DHRSX: variants seen among roughly 807,000 people sequenced by gnomAD.
DHRSX encodes polyprenol dehydrogenase.
A neutral mutation model predicts 34.0 loss-of-function variants in DHRSX; 31 were observed. That is an observed-to-expected ratio of 0.91 (90% CI 0.69 to 1.23). The LOEUF (loss-of-function observed/expected upper bound fraction) is 1.23, where lower values mean the gene tolerates loss of function less well. Ranked by LOEUF, DHRSX falls within the 50% of genes most tolerant of loss-of-function variation. The probability of loss-of-function intolerance (pLI) is 0.00; values close to 1 mark genes in which losing one functional copy is unlikely to be tolerated. For synonymous variants in DHRSX, 201 were observed against 183.8 expected, an observed-to-expected ratio of 1.09 and a Z score of -0.76; for missense variants, 414 against 428.1, an observed-to-expected ratio of 0.97 and a Z score of 0.29.
At chrX:2,391,718 G>T (rs1216206451) in intron 3 of DHRSX, among the ~76,000 whole-genome samples, 2 of 152,166 alleles carry the variant, frequency 1.3e-5, no homozygotes, top group Non-Finnish European at 2.9e-5. Flanking sequence ...CTGAGGTCAG[G>T]AGTTCGAGAC....
At chrX:2,372,222 T>C (rs1419544746) in intron 3 of DHRSX, among the ~76,000 whole-genome samples, 2 of 152,070 alleles carry the variant, frequency 1.3e-5, no homozygotes, top group African/African-American at 4.8e-5. Context: ...CCAGAAAAAT[T>C]CACAATTTTA....
At chrX:2,255,639 G>A (rs1437560221) in intron 5 of DHRSX, among the ~76,000 whole-genome samples, 1 of 151,960 alleles carries the variant, frequency 6.6e-6, no homozygotes, top group Non-Finnish European at 1.5e-5. Flanking sequence ...GGCCAGGCAC[G>A]GTGGGTCACA....
intron 1 of DHRSX, among the ~76,000 whole-genome samples, chrX:2,470,093 C>T (rs1233274373): frequency 3.6e-5 from 5 of 139,462 alleles, no homozygotes; most frequent in South Asian, 2.4e-4. Context: ...CTGCCATTTG[C>T]GCAACATGGA....
intron 1 of DHRSX, among the ~76,000 whole-genome samples, chrX:2,478,836 G>A (rs191823690): frequency 1.9e-4 from 29 of 151,158 alleles, no homozygotes; most frequent in East Asian, 5.9e-4. Flanking sequence ...AAGTGAAGAC[G>A]CTCCCTAAGA....
chrX:2,452,428 A>C (rs962444391), intron 1 of DHRSX, among the ~76,000 whole-genome samples: 1 of 151,944 alleles, frequency 6.6e-6, no homozygotes, highest in Non-Finnish European at 1.5e-5. Context: ...TACACATTGA[A>C]GACATTCCCT....
At chrX:2,325,891 G>A (rs1280120662) in intron 3 of DHRSX, among the ~76,000 whole-genome samples, 2 of 151,892 alleles carry the variant, frequency 1.3e-5, no homozygotes, top group African/African-American at 2.4e-5. Context: ...TAAACTCCTC[G>A]TGTGTGTCTT....
At chrX:2,488,992 C>A in intron 1 of DHRSX, 1 of 1,606,438 alleles carries the variant, frequency 6.2e-7, no homozygotes, top group Admixed American at 1.7e-5. Flanking sequence ...CCTTCTGGGA[C>A]TTGAAGTTGC....
At chrX:2,332,289 G>A (rs2042489022) in intron 3 of DHRSX, among the ~76,000 whole-genome samples, 1 of 152,182 alleles carries the variant, frequency 6.6e-6, no homozygotes, top group Non-Finnish European at 1.5e-5. Flanking sequence ...AAGGGTGTGG[G>A]TAGCTCGTAA....
At chrX:2,468,397 T>C (rs1248041050) in intron 1 of DHRSX, among the ~76,000 whole-genome samples, 1 of 152,150 alleles carries the variant, frequency 6.6e-6, no homozygotes, top group East Asian at 1.9e-4. Flanking sequence ...GTGCCTGGGA[T>C]GGTCGCTGAC....
At chrX:2,362,461 C>T (rs1430319423) in intron 3 of DHRSX, among the ~76,000 whole-genome samples, 1 of 152,136 alleles carries the variant, frequency 6.6e-6, no homozygotes, top group African/African-American at 2.4e-5. Context: ...CCACCATATG[C>T]CACTAATTTT....
At chrX:2,337,929 T>C (rs1166295742) in intron 3 of DHRSX, 1 of 151,358 alleles carries the variant, frequency 6.6e-6, no homozygotes, top group African/African-American at 2.4e-5. Flanking sequence ...AGGATCAGCG[T>C]TGGTTTTCCA....
chrX:2,464,583 G>A (rs1446434748), intron 1 of DHRSX, among the ~76,000 whole-genome samples: 2 of 150,760 alleles, frequency 1.3e-5, no homozygotes, highest in Non-Finnish European at 3.0e-5. Flanking sequence ...CGCTCCCTAA[G>A]AATGCGTCCA....
intron 6 of DHRSX, among the ~76,000 whole-genome samples, chrX:2,230,248 T>C (rs184543320): frequency 3.9e-5 from 6 of 152,316 alleles, no homozygotes; most frequent in African/African-American, 1.4e-4. Context: ...TGCACATGTG[T>C]ACGTGCACAC....
intron 6 of DHRSX, among the ~76,000 whole-genome samples, chrX:2,226,655 G>A (rs1380434389): frequency 6.7e-6 from 1 of 149,922 alleles, no homozygotes; most frequent in Non-Finnish European, 1.5e-5. Context: ...CAAAAAATTA[G>A]CCGGGCATGG....
At chrX:2,229,148 T>A (rs2015806150) in intron 6 of DHRSX, among the ~76,000 whole-genome samples, 1 of 152,108 alleles carries the variant, frequency 6.6e-6, no homozygotes, top group African/African-American at 2.4e-5. Flanking sequence ...TGAGGGCACA[T>A]GTATTTATTT....
At chrX:2,266,654 G>A in intron 5 of DHRSX, 86 bp downstream of exon 5, 1 of 1,328,194 alleles carries the variant, frequency 7.5e-7, no homozygotes, top group South Asian at 1.2e-5. Flanking sequence ...CAGATGCAGG[G>A]AGCGCCACAC....
In DHRSX at chrX:2,372,582, A is replaced by C. The variant is rs182807725; in HGVS notation, c.286+36163T>G. On this transcript the variant is annotated intron_variant, in intron 3 of 6. Coordinates refer to ENST00000334651, the MANE Select transcript of DHRSX (RefSeq NM_145177.3). ...TTGGGGTTTTAGGTTTGAAAGGGAG[A>C]GGTTGGTATTTCTTTTCTTTTCCTT... 2.7e-3 allele frequency among the ~76,000 whole-genome samples: 411 copies of C among 149,970 alleles called. 2 individuals are homozygous for C. The highest frequency in any genetic ancestry group is 9.7e-3 in the African/African-American group (397 of 40,782).
At chrX:2,231,608 T>C (rs2015883127) in intron 6 of DHRSX, among the ~76,000 whole-genome samples, 1 of 40,886 alleles carries the variant, frequency 2.4e-5, no homozygotes, top group South Asian at 1.1e-3. Context: ...TTTTTTCCCT[T>C]ATTCTCCTTT....
At chrX:2,223,678 G>A (rs1198108537) in intron 6 of DHRSX, among the ~76,000 whole-genome samples, 1 of 152,140 alleles carries the variant, frequency 6.6e-6, no homozygotes, top group Non-Finnish European at 1.5e-5. Flanking sequence ...GTGTTTGAGG[G>A]TCTTTCTCTG....
Sources: allele counts gnomAD v4.1 joint callset (sites outside exome capture counted in the v4.1 genomes callset), GRCh38; gene constraint gnomAD v4.1.1; transcripts MANE v1.5; gene names NCBI Gene and HGNC (gene_info 2026-07-23, HGNC 2026-07-21).